Variants in ZNF83 observed in about 807,000 individuals in gnomAD.
The protein encoded by ZNF83 is zinc finger protein 816B.
For synonymous variants in ZNF83, 209 were observed against 213.0 expected, an observed-to-expected ratio of 0.98 and a Z score of 0.17; for missense variants, 552 against 629.9, an observed-to-expected ratio of 0.88 and a Z score of 1.32.
At chr19:52,628,392 C>T (rs918476879) in intron 2 of ZNF83, among the ~76,000 whole-genome samples, 2 of 152,152 alleles carry the variant, frequency 1.3e-5, no homozygotes, top group Non-Finnish European at 2.9e-5. Flanking sequence ...ATCCCTCAAC[C>T]TCTGTCTCCT....
chr19:52,638,325 C>T (rs975629476), exon 1 of ZNF83: 3 of 149,132 alleles, frequency 2.0e-5, no homozygotes, highest in Admixed American at 1.3e-4. Flanking sequence ...CACGGTGTAA[C>T]TTTCACTCCA....
chr19:52,652,384 G>A (rs543096626), intron 3 of ZNF83: 23 of 322,986 alleles, frequency 7.1e-5, no homozygotes, highest in South Asian at 2.6e-4. Context: ...GCCGTGAGCC[G>A]AGATCACGCC....
At chr19:52,620,144 T>C (rs2060480953) in intron 2 of ZNF83, among the ~76,000 whole-genome samples, 1 of 152,108 alleles carries the variant, frequency 6.6e-6, no homozygotes, top group African/African-American at 2.4e-5. Flanking sequence ...CACAAAAAAC[T>C]AGAGTTGAAT....
chr19:52,644,580 C>T (rs1432814123), intron 3 of ZNF83, among the ~76,000 whole-genome samples: 1 of 152,134 alleles, frequency 6.6e-6, no homozygotes, highest in Non-Finnish European at 1.5e-5. Flanking sequence ...GCCATTGACT[C>T]CCAACATTTA....
intron 2 of ZNF83, among the ~76,000 whole-genome samples, chr19:52,631,909 T>G (rs2060978958): frequency 6.8e-6 from 1 of 147,486 alleles, no homozygotes; most frequent in Non-Finnish European, 1.5e-5. Context: ...CATCTGCTAT[T>G]CTACTACTCC....
intron 1 of ZNF83, among the ~76,000 whole-genome samples, chr19:52,671,476 T>C (rs1313722824): frequency 1.3e-5 from 2 of 152,060 alleles, no homozygotes; most frequent in African/African-American, 4.8e-5. Flanking sequence ...CAGGACCTAG[T>C]TCTGTCACCC....
intron 1 of ZNF83, among the ~76,000 whole-genome samples, chr19:52,676,104 C>T (rs887736390): frequency 2.3e-4 from 35 of 152,160 alleles, no homozygotes; most frequent in African/African-American, 8.2e-4. Context: ...CCTCAGCCTG[C>T]TGAGTGCCTG....
At position 52,613,677 on chromosome 19, in the gene ZNF83, C is replaced by G. The variant is rs1389895949; in HGVS notation, c.888G>C (p.Lys296Asn). 2 of 1,613,024 alleles carry G rather than the reference C, an allele frequency of 1.2e-6. No individual in the cohort carries two copies. The highest frequency in any genetic ancestry group is 1.7e-6 in the Non-Finnish European group (2 of 1,179,700). The stretch of plus-strand genomic sequence containing the variant: ...CTAGGGATGACTTGTGACTGAAGAC[C>G]TTGCCACACTCATTACATTTGTAAG... Residue 296 changes from lysine (K) to asparagine (N), a missense_variant, in exon 3 of 3, where the codon AAG becomes AAC. Transcript: ENST00000301096.
At chr19:52,630,586 C>T (rs1351434347) in intron 2 of ZNF83, among the ~76,000 whole-genome samples, 5 of 152,106 alleles carry the variant, frequency 3.3e-5, no homozygotes, top group Non-Finnish European at 7.3e-5. Flanking sequence ...TGGACTACAG[C>T]CGCATCTCAC....
chr19:52,671,035 A>G (rs2061717871), intron 1 of ZNF83, among the ~76,000 whole-genome samples: 1 of 152,212 alleles, frequency 6.6e-6, no homozygotes, highest in African/African-American at 2.4e-5. Flanking sequence ...CAGGATTGGT[A>G]GGGCCTAGAA....
At chr19:52,678,449 CAAAAAAA>C (rs11387898) in intron 1 of ZNF83, among the ~76,000 whole-genome samples, 1 of 109,704 alleles carries the variant, frequency 9.1e-6, no homozygotes, top group African/African-American at 3.6e-5. Context: ...GACTTCATCT[CAAAAAAA>C]AAAAAAAAGA....
At chr19:52,690,494 T>C (rs116083410), upstream of ZNF83, 1,546 of 186,356 alleles carry the variant, frequency 8.3e-3, 17 homozygotes, top group African/African-American at 0.034. Flanking sequence ...TTTGCGAGAA[T>C]CTGCGCGCGC....
intron 2 of ZNF83, chr19:52,618,814 C>A (rs1220480508): frequency 7.0e-7 from 1 of 1,422,566 alleles, no homozygotes; most frequent in South Asian, 1.4e-5. Flanking sequence ...TGAAGCTTTT[C>A]ATTTCAAAAT....
chr19:52,614,362 GA>G (rs1382567976), exon 3 of ZNF83: 1 of 1,612,898 alleles, frequency 6.2e-7, no homozygotes, highest in African/African-American at 1.3e-5. Context: ...ATATGTATGA[GA>G]AATGTGGGTT....
chr19:52,666,814 C>G (rs1178238430), intron 1 of ZNF83, among the ~76,000 whole-genome samples: 1 of 152,136 alleles, frequency 6.6e-6, no homozygotes, highest in Admixed American at 6.5e-5. Context: ...AGGAGGAACT[C>G]CCTTCCAGAC....
At chr19:52,631,028 GCTTT>G (rs1487753016) in intron 2 of ZNF83, among the ~76,000 whole-genome samples, 8 of 147,618 alleles carry the variant, frequency 5.4e-5, no homozygotes, top group African/African-American at 2.0e-4. Flanking sequence ...TCTCACACAT[GCTTT>G]CTTTACTATT....
chr19:52,641,400 T>G (rs16984039), upstream of ZNF83, among the ~76,000 whole-genome samples: 1,424 of 152,338 alleles, frequency 9.3e-3, 23 homozygotes, highest in African/African-American at 0.031. Flanking sequence ...ATTTGCAGCT[T>G]TAAATTGGCT....
intron 1 of ZNF83, among the ~76,000 whole-genome samples, chr19:52,681,759 T>C (rs2061925474): frequency 6.6e-6 from 1 of 152,220 alleles, no homozygotes; most frequent in African/African-American, 2.4e-5. Context: ...GGAGAGAACA[T>C]GAAATAGGTT....
chr19:52,659,646 AAGTG>A (rs1303048978), intron 2 of ZNF83, among the ~76,000 whole-genome samples: 1 of 152,014 alleles, frequency 6.6e-6, no homozygotes, highest in Middle Eastern at 3.2e-3. Context: ...GAAGTCACAG[AAGTG>A]AGTGAGAAGA....
Sources: gnomAD v4.1 joint callset for allele counts (sites outside exome capture counted in the v4.1 genomes callset) on GRCh38, gnomAD v4.1.1 for gene constraint, MANE v1.5 for transcripts, NCBI Gene and HGNC (gene_info 2026-07-23, HGNC 2026-07-21) for gene names.